TAF7L: variants seen among roughly 807,000 people sequenced by gnomAD.
TAF7L encodes the protein TATA-box binding protein associated factor 7 like.
A neutral mutation model predicts 30.2 loss-of-function variants in TAF7L; 6 were observed. The ratio of observed to expected loss-of-function variants is 0.20; its 90% CI spans 0.11 to 0.39. The LOEUF is 0.39. Ranked by LOEUF, TAF7L falls within the 10% of genes least tolerant of loss-of-function variation. The probability of loss-of-function intolerance (pLI) is 1.00; values close to 1 mark genes in which losing one functional copy is unlikely to be tolerated. For synonymous variants in TAF7L, 93 were observed against 94.5 expected (o/e 0.98, Z 0.09); for missense variants, 284 against 277.1 (o/e 1.03, Z -0.18).
rs1260548519 is a variant in TAF7L at position 101,272,658 on chromosome X, TA to T, written c.1086+2563del. 6.2e-5 allele frequency among the ~76,000 whole-genome samples: 7 copies of T among 112,004 alleles called. No homozygotes were observed. The South Asian group carries it at 1.5e-3, about 24-fold the overall frequency. ...TTCTGGAGAAGTGGGGAGTGACTAC[TA>T]ATGGATACAGGGTTTCTTTTTGGAG... On this transcript the variant is annotated intron_variant, in intron 12 of 12. Transcript: ENST00000356784.
chrX:101,282,647 C>A (rs1924454798), intron 4 of TAF7L, among the ~76,000 whole-genome samples, 194 bp from the exon 5 acceptor site: 1 of 110,611 alleles, frequency 9.0e-6, no homozygotes, highest in African/African-American at 3.3e-5. Context: ...CCACCACCAG[C>A]CACCAGCAGC....
intron 2 of TAF7L, 65 bp from the exon 3 acceptor site, chrX:101,286,718 A>C: frequency 1.2e-6 from 1 of 858,570 alleles, no homozygotes; most frequent in Non-Finnish European, 1.7e-6. Flanking sequence ...AACAGAATAG[A>C]TATATCAAAG....
chrX:101,273,157 A>G (rs1006955524), intron 12 of TAF7L, among the ~76,000 whole-genome samples: 12 of 111,564 alleles, frequency 1.1e-4, no homozygotes, highest in African/African-American at 3.9e-4. Context: ...TATTCTTTCA[A>G]TCTCCATTGC....
intron 6 of TAF7L, among the ~76,000 whole-genome samples, chrX:101,281,333 A>G (rs1403917066): frequency 3.6e-5 from 4 of 112,188 alleles, no homozygotes; most frequent in African/African-American, 9.7e-5. Context: ...CCAAGCCACA[A>G]TACTCCTGTA....
Position 101,278,987 on chromosome X carries a change from G to T in TAF7L, c.504+7C>A. On this transcript the variant is annotated splice_region_variant and intron_variant, in intron 7 of 12. Transcript: ENST00000356784. Reference sequence around the variant, plus strand: ...GTAAAAATGAAGTTATATTATGATTGCTCTACCTCAGTAAAGCTGCTTTTT... The same window carrying T: ...GTAAAAATGAAGTTATATTATGATTTCTCTACCTCAGTAAAGCTGCTTTTT... The T allele has an allele frequency of 8.3e-7, 1 of 1,200,007 alleles. No individual in the cohort carries two copies. Among genetic ancestry groups the T allele is most frequent in the African/African-American group, 1.7e-5 (1 of 57,542 alleles).
At position 101,276,318 on chromosome X, in the gene TAF7L, G is replaced by T. The variant is rs754137263; in HGVS notation, c.902C>A (p.Thr301Asn). The change falls in exon 10 of 13, where the codon ACC becomes AAC. Residue 301 changes from threonine to asparagine, a missense_variant. By Grantham distance (65) the Thr-to-Asn change is moderately conservative. Coordinates refer to ENST00000356784, the MANE Select transcript of TAF7L (RefSeq NM_001168474.2). Reference sequence around the variant, plus strand: ...TTTTTCTGACTTACCTATTGAACTGGTACCTTCATTTGCCCTATACTGGCC... The same window carrying T: ...TTTTTCTGACTTACCTATTGAACTGTTACCTTCATTTGCCCTATACTGGCC... Reference protein sequence around the residue: ...ESGQYRANEGTSSIVMEIQKQ... With the variant: ...ESGQYRANEGNSSIVMEIQKQ... 9 of 1,208,764 alleles carry T rather than the reference G, an allele frequency of 7.4e-6. No homozygotes were observed. Among genetic ancestry groups the T allele is most frequent in the African/African-American group, 3.5e-5 (2 of 56,816 alleles).
chrX:101,280,946 C>T lies in TAF7L; in HGVS notation c.462+774G>A, dbSNP rs1053663357. Among the ~76,000 whole-genome samples, 6 of 111,617 alleles carry T rather than the reference C, an allele frequency of 5.4e-5. No homozygotes were observed. In the East Asian group the frequency reaches 8.4e-4, roughly 16 times the overall value. ...GAGATAGAGATCAGATTAGTGATTACCAAGTGTCAGAGACTGGGGTGTGAG... is the reference window on the plus strand; with the variant it reads ...GAGATAGAGATCAGATTAGTGATTATCAAGTGTCAGAGACTGGGGTGTGAG... On this transcript the variant is annotated intron_variant, in intron 6 of 12. Transcript: ENST00000356784.
rs200813177 is a variant in TAF7L, at chrX:101,288,713, A to AAT, written c.-2-1170_-2-1169dup. ...TCCTAAGATGGATCTTTTTATTTAA[A>AAT]ATATATATATATACCTTTGGTGAAG... On this transcript the variant is annotated intron_variant, in intron 1 of 12. Transcript: ENST00000356784. Among the ~76,000 whole-genome samples, 632 of 109,499 alleles carry AAT rather than the reference A, an allele frequency of 5.8e-3. 4 individuals carry two copies. The highest frequency in any genetic ancestry group is 0.019 in the African/African-American group (571 of 30,170).
At chrX:101,285,932 C>T (rs1021405092) in intron 3 of TAF7L, among the ~76,000 whole-genome samples, 1 of 111,417 alleles carries the variant, frequency 9.0e-6, no homozygotes, top group Admixed American at 9.6e-5. Flanking sequence ...CCTGTAATCC[C>T]AGCACTTTGG....
Position 101,269,053 on chromosome X carries a change from T to C in TAF7L, c.*140A>G, listed in dbSNP as rs1923883507. 2.1e-6 allele frequency: 1 copy of C among 483,856 alleles called. No homozygotes were observed. Among genetic ancestry groups the C allele is most frequent in the Admixed American group, 4.0e-5 (1 of 25,171 alleles). 39.9% of individuals were successfully genotyped at this position (483,856 alleles called of 1,213,427 possible). A position where few individuals can be genotyped will look rare whatever the true frequency, so the allele number is the denominator to read the frequency against. ...TACATGACTACAAACTGTGAGCATA[T>C]TTTAAGTAGCAAAGAAGGTACAGAT... On this transcript the variant is annotated 3_prime_UTR_variant, in exon 13 of 13. Transcript: ENST00000356784.
intron 3 of TAF7L, among the ~76,000 whole-genome samples, chrX:101,286,180 C>T (rs1195504797): frequency 2.2e-5 from 1 of 46,290 alleles, no homozygotes; most frequent in Non-Finnish European, 4.1e-5. Flanking sequence ...GACTCCATCT[C>T]AAAAAAAAAA....
intron 6 of TAF7L, 136 bp downstream of exon 6, chrX:101,281,584 A>G: frequency 1.7e-6 from 1 of 589,474 alleles, no homozygotes; most frequent in Non-Finnish European, 2.8e-6. Flanking sequence ...CCTGGCATTT[A>G]GTTCACATTC....
At chrX:101,292,249 A>AAT (rs1924842071), upstream of TAF7L, among the ~76,000 whole-genome samples, 4 of 27,815 alleles carry the variant, frequency 1.4e-4, no homozygotes, top group African/African-American at 9.4e-4. Context: ...AAAAAAAAAA[A>AAT]AATAAATAAA....
At chrX:101,285,644 A>G (rs1364004668) in intron 3 of TAF7L, among the ~76,000 whole-genome samples, 3 of 103,244 alleles carry the variant, frequency 2.9e-5, no homozygotes, top group Non-Finnish European at 5.9e-5. Flanking sequence ...GTATGAGGTG[A>G]TATCTCGCTG....
At chrX:101,280,966 T>C (rs900375141) in intron 6 of TAF7L, among the ~76,000 whole-genome samples, 5 of 111,163 alleles carry the variant, frequency 4.5e-5, no homozygotes, top group Admixed American at 3.9e-4. Context: ...GAGACTGGGG[T>C]GTGAGGTGGA....
At chrX:101,273,932 A>C (rs777061369) in intron 12 of TAF7L, among the ~76,000 whole-genome samples, 2 of 111,286 alleles carry the variant, frequency 1.8e-5, no homozygotes, top group African/African-American at 6.5e-5. Context: ...TTAATTCAAG[A>C]CCCTTTATTC....
intron 5 of TAF7L, 127 bp from the exon 6 acceptor site, chrX:101,281,902 T>G: frequency 1.8e-6 from 1 of 562,812 alleles, no homozygotes; most frequent in Non-Finnish European, 2.7e-6. Flanking sequence ...TTTTTTTTTT[T>G]TGAGATCGAG....
At chrX:101,287,877 C>T (rs764073457) in intron 1 of TAF7L, 7 of 155,642 alleles carry the variant, frequency 4.5e-5, no homozygotes, top group Non-Finnish European at 8.5e-5. Flanking sequence ...TAAAAGACTA[C>T]AATTCAACAA....
rs1200478956 is a variant in TAF7L, at chrX:101,278,836, G to A, written c.504+158C>T. On this transcript the variant is annotated intron_variant, in intron 7 of 12. Transcript: ENST00000356784. Reference sequence around the variant, plus strand: ...CATCAAACAATGAATTCATTTTTTAGTGAATCAAACCCAGTGTATGTGTTT... The same window carrying A: ...CATCAAACAATGAATTCATTTTTTAATGAATCAAACCCAGTGTATGTGTTT... 6.2e-5 allele frequency among the ~76,000 whole-genome samples: 7 copies of A among 112,287 alleles called. No homozygotes were observed. The East Asian group carries it at 1.9e-3, about 31-fold the overall frequency.
Sources: allele counts gnomAD v4.1 joint callset (sites outside exome capture counted in the v4.1 genomes callset), GRCh38; gene constraint gnomAD v4.1.1; transcripts MANE v1.5; gene names NCBI Gene and HGNC (gene_info 2026-07-23, HGNC 2026-07-21).